The following DIAPH3 variants were observed in gnomAD, a reference collection of about 807,000 sequenced individuals.
DIAPH3 encodes protein diaphanous homolog 3.
DIAPH3 carries 117 observed loss-of-function variants against 144.3 expected under a neutral mutation model. The observed-to-expected ratio is 0.81, with a 90% CI of 0.70 to 0.95. The LOEUF (loss-of-function observed/expected upper bound fraction) is 0.95. Among genes scored for constraint, DIAPH3 ranks in the 40% least tolerant of loss-of-function variants. DIAPH3 has a pLI of 0.00. For synonymous variants in DIAPH3, 519 were observed against 488.9 expected (o/e 1.06, Z -0.81); for missense variants, 1,421 against 1,412.7 (o/e 1.01, Z -0.09).
intron 1 of DIAPH3, among the ~76,000 whole-genome samples, chr13:60,142,583 A>G (rs1402883599): frequency 6.6e-6 from 1 of 152,122 alleles, no homozygotes; most frequent in Non-Finnish European, 1.5e-5. Flanking sequence ...TGCAGATGGT[A>G]ATGTGCTCCA....
At chr13:59,874,915 T>A (rs779377437) in intron 21 of DIAPH3, among the ~76,000 whole-genome samples, 24 of 152,168 alleles carry the variant, frequency 1.6e-4, no homozygotes, top group Non-Finnish European at 3.1e-4. Flanking sequence ...TAGTAAACAT[T>A]ATTAAACACA....
chr13:59,760,449 G>T (rs2037520358), intron 27 of DIAPH3, among the ~76,000 whole-genome samples: 1 of 152,150 alleles, frequency 6.6e-6, no homozygotes, highest in African/African-American at 2.4e-5. Flanking sequence ...TCTTATATTT[G>T]TAGCCTTGAA....
chr13:60,142,814 A>G (rs912513691), intron 1 of DIAPH3, among the ~76,000 whole-genome samples: 1 of 152,008 alleles, frequency 6.6e-6, no homozygotes, highest in Admixed American at 6.6e-5. Flanking sequence ...CTGGAATGCA[A>G]TGGAGGGATC....
rs190411377 is a variant in DIAPH3 at position 59,825,344 on chromosome 13, T to C, written c.3027+7763A>G. Among the ~76,000 whole-genome samples, 31 of 152,322 alleles carry C rather than the reference T, an allele frequency of 2.0e-4. No individual in the cohort carries two copies. In the East Asian group the frequency reaches 5.4e-3, roughly 27 times the overall value. ...AGAATATGATTTCCAATTTCATCCA[T>C]GTCCCTACAAAGGATATGAACTCAT... On this transcript the variant is annotated intron_variant, in intron 24 of 27. Coordinates refer to ENST00000400324, the MANE Select transcript of DIAPH3 (RefSeq NM_001042517.2).
chr13:60,036,092 C>G (rs909236776), intron 5 of DIAPH3, among the ~76,000 whole-genome samples: 3 of 152,170 alleles, frequency 2.0e-5, no homozygotes, highest in Admixed American at 6.5e-5. Context: ...GCACTCTCTG[C>G]TGAAGGGAAA....
intron 5 of DIAPH3, among the ~76,000 whole-genome samples, chr13:60,028,026 A>G (rs1038030632): frequency 9.9e-5 from 15 of 152,216 alleles, no homozygotes; most frequent in Admixed American, 3.3e-4. Context: ...TTGTGTGGCA[A>G]TGCACTCATA....
intron 21 of DIAPH3, among the ~76,000 whole-genome samples, chr13:59,871,095 C>T (rs1371507771): frequency 6.6e-6 from 1 of 151,130 alleles, no homozygotes; most frequent in South Asian, 2.1e-4. Context: ...TGCTGGCATA[C>T]AGGAAACCAC....
chr13:59,709,634 T>C (rs567712162), intron 27 of DIAPH3, among the ~76,000 whole-genome samples: 1 of 152,336 alleles, frequency 6.6e-6, no homozygotes, highest in Non-Finnish European at 1.5e-5. Flanking sequence ...GGAACACTTT[T>C]ACACTGTTAG....
intron 20 of DIAPH3, among the ~76,000 whole-genome samples, chr13:59,909,347 T>G (rs1566501592): frequency 6.6e-6 from 1 of 151,916 alleles, no homozygotes; most frequent in African/African-American, 2.4e-5. Flanking sequence ...ATTTTGTTTT[T>G]TTTTTTTTTG....
intron 13 of DIAPH3, among the ~76,000 whole-genome samples, chr13:59,982,518 C>T (rs2051081951): frequency 6.6e-6 from 1 of 150,910 alleles, no homozygotes; most frequent in Non-Finnish European, 1.5e-5. Context: ...TTTCATTCTT[C>T]TCCCAGGACT....
intron 25 of DIAPH3, among the ~76,000 whole-genome samples, chr13:59,784,670 C>A (rs1445166404): frequency 6.6e-6 from 1 of 152,122 alleles, no homozygotes; most frequent in African/African-American, 2.4e-5. Context: ...AGCCACCACG[C>A]CCAGTGACAT....
At chr13:59,924,644 T>C in intron 18 of DIAPH3, 131 bp downstream of exon 18, 4 of 1,392,466 alleles carry the variant, frequency 2.9e-6, no homozygotes, top group South Asian at 3.0e-5. Context: ...AGGAGAGTTA[T>C]CTGTGAATTT....
chr13:59,714,153 G>T (rs965088068), intron 27 of DIAPH3, among the ~76,000 whole-genome samples: 1 of 151,990 alleles, frequency 6.6e-6, no homozygotes, highest in South Asian at 2.1e-4. Context: ...GAGGTCAGGA[G>T]ATCGAGACCA....
At chr13:59,928,671 G>A (rs962116725) in intron 17 of DIAPH3, among the ~76,000 whole-genome samples, 3 of 152,162 alleles carry the variant, frequency 2.0e-5, no homozygotes, top group African/African-American at 7.2e-5. Context: ...GATTTCCTCA[G>A]TGGCTTAGGC....
At chr13:59,823,782 G>T (rs2041212442) in intron 24 of DIAPH3, among the ~76,000 whole-genome samples, 1 of 152,066 alleles carries the variant, frequency 6.6e-6, no homozygotes, top group Non-Finnish European at 1.5e-5. Context: ...TAAATGATTT[G>T]GCAAAATGAG....
chr13:60,036,314 C>T (rs2055208048), intron 5 of DIAPH3, among the ~76,000 whole-genome samples: 1 of 152,152 alleles, frequency 6.6e-6, no homozygotes. Context: ...TTAGGCAGCA[C>T]TGTCTAATAG....
At chr13:59,726,158 T>G (rs1234801499) in intron 27 of DIAPH3, among the ~76,000 whole-genome samples, 2 of 152,228 alleles carry the variant, frequency 1.3e-5, no homozygotes, top group African/African-American at 4.8e-5. Context: ...TATAGCCAAA[T>G]TTATAGAAAG....
chr13:59,679,222 C>A lies in DIAPH3; in HGVS notation c.3320-12376G>T, dbSNP rs150513365. 1.3e-3 allele frequency among the ~76,000 whole-genome samples: 192 copies of A among 152,202 alleles called. 1 individual carries two copies. The highest frequency in any genetic ancestry group is 4.4e-3 in the African/African-American group (183 of 41,536). ...AGTTATTTTTTTGCAAATAAAACAC[C>A]AAAGTTTGATTCCTATGAAACCCCA... On this transcript the variant is annotated intron_variant, in intron 27 of 27. Coordinates refer to ENST00000400324, the MANE Select transcript of DIAPH3 (RefSeq NM_001042517.2).
At chr13:59,776,586 A>G (rs1368536575) in intron 25 of DIAPH3, among the ~76,000 whole-genome samples, 1 of 152,162 alleles carries the variant, frequency 6.6e-6, no homozygotes, top group Non-Finnish European at 1.5e-5. Flanking sequence ...ACTGAAATCA[A>G]ATAGAAACAA....
Sources: gnomAD v4.1 joint callset for allele counts (sites outside exome capture counted in the v4.1 genomes callset) on GRCh38, gnomAD v4.1.1 for gene constraint, MANE v1.5 for transcripts, NCBI Gene and HGNC (gene_info 2026-07-23, HGNC 2026-07-21) for gene names.